Variants in HLCS observed in about 807,000 individuals in gnomAD.
The protein encoded by HLCS is holocarboxylase synthetase.
Under a neutral mutation model 75.0 loss-of-function variants are expected in HLCS, and 53 were observed. That is an observed-to-expected ratio of 0.71 (90% confidence interval 0.57 to 0.89). HLCS has a LOEUF of 0.89. HLCS is among the 40% of genes least tolerant of loss of function. The pLI is 0.00. For missense variants in HLCS, 966 were observed against 1,074.0 expected (o/e 0.90, Z 1.41); for synonymous variants, 431 against 428.6 (o/e 1.01, Z -0.07).
At chr21:36,894,410 TC>T (rs1444016383) in intron 6 of HLCS, among the ~76,000 whole-genome samples, 2 of 152,248 alleles carry the variant, frequency 1.3e-5, no homozygotes, top group African/African-American at 2.4e-5. Context: ...ATTTTGTGCA[TC>T]CATCTATCTC....
chr21:36,785,231 C>T (rs374218415), intron 6 of HLCS, among the ~76,000 whole-genome samples: 8 of 152,290 alleles, frequency 5.3e-5, no homozygotes, highest in East Asian at 1.9e-4. Flanking sequence ...TCAACCAACA[C>T]GCCAGAGCTC....
upstream of HLCS, among the ~76,000 whole-genome samples, chr21:36,968,021 G>C (rs887626067): frequency 6.7e-6 from 1 of 149,990 alleles, no homozygotes; most frequent in African/African-American, 2.5e-5. Context: ...CGCCCAGCTA[G>C]GATAGATTTT....
intron 5 of HLCS, among the ~76,000 whole-genome samples, chr21:36,903,303 T>C (rs2065315648): frequency 6.6e-6 from 1 of 152,150 alleles, no homozygotes; most frequent in African/African-American, 2.4e-5. Context: ...CATACAAAGG[T>C]GATCCCCAAA....
chr21:36,829,882 C>T (rs564053357), intron 6 of HLCS, among the ~76,000 whole-genome samples: 1 of 152,272 alleles, frequency 6.6e-6, no homozygotes, highest in East Asian at 1.9e-4. Context: ...TTTAGGGACC[C>T]TCTCCTGTAG....
At chr21:36,888,448 ATATATATATATATATATATATATATAT>A (rs2064604755) in intron 6 of HLCS, among the ~76,000 whole-genome samples, 10 of 26,512 alleles carry the variant, frequency 3.8e-4, no homozygotes, top group East Asian at 2.8e-3. Flanking sequence ...AAAAAAAAAT[ATATATATATATATATATATATATATAT>A]ATATATATAT....
At position 36,919,179 on chromosome 21, in the gene HLCS, A is replaced by G. The variant is rs905014703; in HGVS notation, c.1620+11072T>C. On this transcript the variant is annotated intron_variant, in intron 5 of 10. Transcript: ENST00000674895. ...GTGAAATAAGATTGGCCATAAATGGATAACTGTGAAAGAGAGTGATGAGTA... is the reference window on the plus strand; with the variant it reads ...GTGAAATAAGATTGGCCATAAATGGGTAACTGTGAAAGAGAGTGATGAGTA... Among the ~76,000 whole-genome samples the G allele has an allele frequency of 3.3e-4, 50 of 152,244 alleles. 1 individual carries two copies. The highest frequency in any genetic ancestry group is 4.4e-5 in the Non-Finnish European group (3 of 68,044).
intron 6 of HLCS, among the ~76,000 whole-genome samples, chr21:36,819,626 A>G (rs2061766759): frequency 6.6e-6 from 1 of 152,094 alleles, no homozygotes; most frequent in African/African-American, 2.4e-5. Context: ...TTACACACAC[A>G]CTATCTCTAA....
At chr21:36,763,220 T>G (rs1254281035) in intron 8 of HLCS, among the ~76,000 whole-genome samples, 6 of 152,162 alleles carry the variant, frequency 3.9e-5, no homozygotes, top group Admixed American at 3.9e-4. Context: ...AGATGGGGTT[T>G]CACCATGTTG....
intron 6 of HLCS, among the ~76,000 whole-genome samples, chr21:36,860,820 G>A (rs1490426137): frequency 2.0e-5 from 3 of 152,318 alleles, no homozygotes; most frequent in South Asian, 2.1e-4. Context: ...ACGCCTCAGC[G>A]GTTCAGATTT....
intron 6 of HLCS, among the ~76,000 whole-genome samples, chr21:36,836,402 G>A (rs183438295): frequency 1.1e-4 from 17 of 151,572 alleles, no homozygotes; most frequent in African/African-American, 3.6e-4. Flanking sequence ...ATGCTGGTGC[G>A]CTGCACCCAC....
At chr21:36,941,105 A>C (rs2067121995) in intron 2 of HLCS, among the ~76,000 whole-genome samples, 1 of 152,188 alleles carries the variant, frequency 6.6e-6, no homozygotes, top group Non-Finnish European at 1.5e-5. Context: ...CCAGCTATTC[A>C]GGAGGCTGAG....
At chr21:36,921,601 G>C (rs533828821) in intron 5 of HLCS, among the ~76,000 whole-genome samples, 4 of 152,290 alleles carry the variant, frequency 2.6e-5, no homozygotes, top group Non-Finnish European at 5.9e-5. Flanking sequence ...ATGGTCCTAT[G>C]ATACGCATGT....
intron 6 of HLCS, among the ~76,000 whole-genome samples, chr21:36,892,401 T>C (rs2064825832): frequency 6.6e-6 from 1 of 152,206 alleles, no homozygotes; most frequent in South Asian, 2.1e-4. Context: ...GCAGGGAGAC[T>C]TGATGGTCGT....
At chr21:36,938,048 A>G (rs775353057) in intron 3 of HLCS, among the ~76,000 whole-genome samples, 2 of 152,226 alleles carry the variant, frequency 1.3e-5, no homozygotes, top group Admixed American at 6.5e-5. Context: ...ACATTCATAG[A>G]CATAAAAAGC....
chr21:36,988,240 T>G (rs1169146167), intron 1 of HLCS, among the ~76,000 whole-genome samples: 1 of 152,172 alleles, frequency 6.6e-6, no homozygotes, highest in Non-Finnish European at 1.5e-5. Flanking sequence ...CTAGGTTTCT[T>G]TTTTCCCTTT....
At chr21:36,902,064 A>C (rs1422408692) in intron 5 of HLCS, among the ~76,000 whole-genome samples, 1 of 152,118 alleles carries the variant, frequency 6.6e-6, no homozygotes, top group East Asian at 1.9e-4. Context: ...CTGAGAAGTC[A>C]CCGCTGGCCT....
intron 6 of HLCS, among the ~76,000 whole-genome samples, chr21:36,864,511 TCTTA>T (rs2063490699): frequency 6.6e-6 from 1 of 152,260 alleles, no homozygotes; most frequent in South Asian, 2.1e-4. Flanking sequence ...TGCTTAAAAG[TCTTA>T]CTTCTCTGTT....
intron 6 of HLCS, among the ~76,000 whole-genome samples, chr21:36,861,506 G>C (rs1408445466): frequency 6.6e-6 from 1 of 152,108 alleles, no homozygotes; most frequent in African/African-American, 2.4e-5. Context: ...ACTAAGCCTA[G>C]TACCCAATAG....
chr21:36,950,635 A>G (rs62225496), intron 2 of HLCS, among the ~76,000 whole-genome samples: 1 of 100,824 alleles, frequency 9.9e-6, no homozygotes, highest in Non-Finnish European at 2.2e-5. Context: ...ATGCCTGGCT[A>G]AATTTTTTTT....
Sources: gnomAD v4.1 joint callset for allele counts (sites outside exome capture counted in the v4.1 genomes callset) on GRCh38, gnomAD v4.1.1 for gene constraint, MANE v1.5 for transcripts, NCBI Gene and HGNC (gene_info 2026-07-23, HGNC 2026-07-21) for gene names.